The following SLF1 variants were observed in gnomAD, a reference collection of about 807,000 sequenced individuals.
SLF1 encodes SMC5-SMC6 complex localization factor protein 1.
Under a neutral mutation model 123.0 loss-of-function variants are expected in SLF1, and 105 were observed. That is an observed-to-expected ratio of 0.85 (90% CI 0.73 to 1.00). SLF1 has a LOEUF of 1.00. Ranked by LOEUF, SLF1 falls within the 50% of genes least tolerant of loss-of-function variation. The pLI, the probability that SLF1 is intolerant of heterozygous loss-of-function variation, is 0.00. For missense variants in SLF1, 1,239 were observed against 1,223.0 expected (o/e 1.01, Z -0.20); for synonymous variants, 434 against 406.6 (o/e 1.07, Z -0.81).
chr5:94,682,817 A>G (rs1291161086), intron 15 of SLF1, among the ~76,000 whole-genome samples: 1 of 152,186 alleles, frequency 6.6e-6, no homozygotes, highest in African/African-American at 2.4e-5. Context: ...TTCCTCATGT[A>G]GTGGCTTAAA....
At chr5:94,678,638 T>G (rs917383035) in intron 14 of SLF1, 170 bp from the exon 15 acceptor site, 4 of 524,670 alleles carry the variant, frequency 7.6e-6, no homozygotes, top group Non-Finnish European at 1.3e-5. Flanking sequence ...GAGAGAGAGA[T>G]GGAGGGGAGA....
chr5:94,660,529 C>T (rs1488834700), intron 9 of SLF1, among the ~76,000 whole-genome samples: 1 of 152,180 alleles, frequency 6.6e-6, no homozygotes, highest in Non-Finnish European at 1.5e-5. Context: ...CCGATAGCTC[C>T]TGCAGCCTCT....
chr5:94,681,361 A>G (rs1485970941), intron 15 of SLF1, among the ~76,000 whole-genome samples: 1 of 152,154 alleles, frequency 6.6e-6, no homozygotes, highest in East Asian at 1.9e-4. Flanking sequence ...CAAACTCCAG[A>G]CCTCAGGTGA....
chr5:94,620,369 A>G (rs1185983569), intron 1 of SLF1, among the ~76,000 whole-genome samples: 1 of 152,258 alleles, frequency 6.6e-6, no homozygotes, highest in East Asian at 1.9e-4. Context: ...TCCCTAAAGC[A>G]TAAAGCGTGG....
intron 15 of SLF1, among the ~76,000 whole-genome samples, chr5:94,683,695 A>T (rs1752080437): frequency 6.6e-6 from 1 of 152,228 alleles, no homozygotes; most frequent in African/African-American, 2.4e-5. Context: ...GGCCAGAATA[A>T]GGCCAAAGAA....
At position 94,697,075 on chromosome 5, in the gene SLF1, ATTTG is replaced by A. The variant is rs1424440387; in HGVS notation, c.*1767_*1770del. On this transcript the variant is annotated 3_prime_UTR_variant, in exon 21 of 21. Coordinates refer to ENST00000265140, the MANE Select transcript of SLF1 (RefSeq NM_032290.4). ...TCCAAATTAGATGTTCATAACGTATATTTGTTTAATTGCAATTAGCATTAATATT... is the reference window on the plus strand; with the variant it reads ...TCCAAATTAGATGTTCATAACGTATATTTAATTGCAATTAGCATTAATATT... 2 of 151,836 alleles carry A rather than the reference ATTTG, an allele frequency of 1.3e-5. No homozygotes were observed. Among genetic ancestry groups the A allele is most frequent in the Admixed American group, 6.6e-5 (1 of 15,196 alleles). The allele number at this position is 151,836 out of a possible 1,614,324, so 9.4% of individuals were successfully genotyped here.
chr5:94,631,430 C>T (rs1448553363), intron 4 of SLF1, among the ~76,000 whole-genome samples: 1 of 152,132 alleles, frequency 6.6e-6, no homozygotes, highest in Non-Finnish European at 1.5e-5. Context: ...CCACCAACAC[C>T]AGGCAACCAC....
At chr5:94,693,293 A>C (rs145143574) in intron 20 of SLF1, among the ~76,000 whole-genome samples, 185 of 151,748 alleles carry the variant, frequency 1.2e-3, no homozygotes, top group Middle Eastern at 6.8e-3. Flanking sequence ...CAGTTCTTCT[A>C]CCTTGTTTTT....
intron 9 of SLF1, 80 bp from the exon 10 acceptor site, chr5:94,662,218 T>C: frequency 1.6e-6 from 2 of 1,250,390 alleles, no homozygotes; most frequent in Non-Finnish European, 2.2e-6. Context: ...TTTTATATGT[T>C]TTTCCAAGGT....
intron 6 of SLF1, 130 bp from the exon 7 acceptor site, chr5:94,651,572 A>G (rs1030725152): frequency 1.1e-5 from 7 of 612,292 alleles, no homozygotes; most frequent in African/African-American, 2.0e-5. Flanking sequence ...TCTTTACTCT[A>G]TTTAACCTTG....
intron 1 of SLF1, among the ~76,000 whole-genome samples, chr5:94,621,419 T>C (rs1045705520): frequency 6.6e-6 from 1 of 152,216 alleles, no homozygotes; most frequent in Admixed American, 6.5e-5. Flanking sequence ...TGAGCTAACA[T>C]ATATACTGTG....
At chr5:94,676,887 C>T (rs1214041044) in intron 14 of SLF1, among the ~76,000 whole-genome samples, 2 of 152,086 alleles carry the variant, frequency 1.3e-5, no homozygotes, top group Non-Finnish European at 2.9e-5. Context: ...GAATGATATC[C>T]CAATGAAATA....
At chr5:94,634,103 A>G (rs1232375092) in intron 4 of SLF1, among the ~76,000 whole-genome samples, 3 of 152,150 alleles carry the variant, frequency 2.0e-5, no homozygotes, top group Non-Finnish European at 2.9e-5. Context: ...TTAATTCCCA[A>G]TTACTGATAG....
intron 12 of SLF1, among the ~76,000 whole-genome samples, chr5:94,666,633 G>A (rs1217121534): frequency 6.6e-6 from 1 of 151,784 alleles, no homozygotes; most frequent in Non-Finnish European, 1.5e-5. Flanking sequence ...TTATTCTTCT[G>A]GGAAGATCTT....
rs984868778 is a variant in SLF1 at position 94,665,972 on chromosome 5, C to T, written c.1480C>T (p.Gln494Ter). 4 of 1,551,336 alleles carry T rather than the reference C, an allele frequency of 2.6e-6. No homozygotes were observed. The highest frequency in any genetic ancestry group is 3.5e-6 in the Non-Finnish European group (4 of 1,146,790). The stretch of plus-strand genomic sequence containing the variant: ...GTCGAGATATTATTTAGAGTTGTTT[C>T]AGTGTCCAACTTGTATGAAAGGAGC... ...AMSRYYLELF[Q>*]CPTCMKGAWS... is the part of the protein sequence containing the mutation. Residue 494 changes from glutamine (Q) to a stop codon, truncating the protein, a stop_gained, in exon 12 of 21, where the codon CAG becomes TAG. Coordinates refer to ENST00000265140, the MANE Select transcript of SLF1 (RefSeq NM_032290.4). LOFTEE classifies it high-confidence loss of function.
intron 15 of SLF1, among the ~76,000 whole-genome samples, chr5:94,680,536 TTC>T (rs1751646228): frequency 6.6e-6 from 1 of 152,194 alleles, no homozygotes; most frequent in South Asian, 2.1e-4. Context: ...CTAACAGAAT[TTC>T]CTGTTTTCAT....
chr5:94,633,691 T>G (rs752250378), intron 4 of SLF1, among the ~76,000 whole-genome samples: 1 of 152,226 alleles, frequency 6.6e-6, no homozygotes, highest in Non-Finnish European at 1.5e-5. Context: ...ATCTCGCTAG[T>G]GAATTTAGCG....
chr5:94,641,655 A>G (rs421503), intron 4 of SLF1, among the ~76,000 whole-genome samples: 9 of 152,186 alleles, frequency 5.9e-5, no homozygotes, highest in Non-Finnish European at 8.8e-5. Context: ...CTACTAGGTC[A>G]TAGAAGGTGT....
Position 94,663,814 on chromosome 5 carries a change from T to A in SLF1, c.1274T>A (p.Phe425Tyr). Residue 425 changes from phenylalanine (F) to tyrosine (Y), a missense_variant, in exon 11 of 21, where the codon TTT becomes TAT. Transcript: ENST00000265140. ...NLIESLIEGH[F>Y]FKEAIEELST... ...ATTGAAAGCCTCATAGAAGGACATT[T>A]TTTTAAAGAAGCAATTGAGGAACTT... 1 of 1,550,890 alleles carries A rather than the reference T, an allele frequency of 6.4e-7. No homozygotes were observed. Among genetic ancestry groups the A allele is most frequent in the South Asian group, 1.2e-5 (1 of 83,804 alleles).
Sources: gnomAD v4.1 joint callset for allele counts (sites outside exome capture counted in the v4.1 genomes callset) on GRCh38, gnomAD v4.1.1 for gene constraint, MANE v1.5 for transcripts, NCBI Gene and HGNC (gene_info 2026-07-23, HGNC 2026-07-21) for gene names.